Variants in GHR observed in about 807,000 individuals in gnomAD.
The protein encoded by GHR is GH receptor.
A neutral mutation model predicts 67.1 loss-of-function variants in GHR; 35 were observed. The observed-to-expected ratio is 0.52, with a 90% CI of 0.40 to 0.69. GHR has a LOEUF of 0.69. Ranked by LOEUF, GHR falls within the 30% of genes least tolerant of loss-of-function variation. The pLI is 0.00. For synonymous variants in GHR, 272 were observed against 269.1 expected (o/e 1.01, Z -0.10); for missense variants, 792 against 764.6 (o/e 1.04, Z -0.42).
At chr5:42,629,418 G>T (rs1289910261) in intron 3 of GHR, among the ~76,000 whole-genome samples, 1 of 130,772 alleles carries the variant, frequency 7.6e-6, no homozygotes, top group Admixed American at 7.4e-5. Context: ...CTCACCATGA[G>T]TGAGTTCTCA....
At chr5:42,474,564 C>T (rs1418432760) in intron 1 of GHR, among the ~76,000 whole-genome samples, 9 of 152,076 alleles carry the variant, frequency 5.9e-5, no homozygotes, top group African/African-American at 1.7e-4. Flanking sequence ...AGCATATCTG[C>T]GTGTCTGTCT....
chr5:42,557,309 C>T (rs1406179281), intron 1 of GHR, among the ~76,000 whole-genome samples: 1 of 152,108 alleles, frequency 6.6e-6, no homozygotes, highest in Non-Finnish European at 1.5e-5. Context: ...GGAATAGGGT[C>T]TTACATATTG....
At chr5:42,479,095 G>A (rs1328595330) in intron 1 of GHR, among the ~76,000 whole-genome samples, 1 of 152,170 alleles carries the variant, frequency 6.6e-6, no homozygotes, top group Non-Finnish European at 1.5e-5. Context: ...TTAGCATGAA[G>A]CATTGTTGAA....
chr5:42,454,578 G>C (rs1744182457), intron 1 of GHR, among the ~76,000 whole-genome samples: 1 of 152,074 alleles, frequency 6.6e-6, no homozygotes, highest in Admixed American at 6.6e-5. Flanking sequence ...AGGCTGATGG[G>C]GTTATGTTCC....
chr5:42,659,158 T>C (rs938968285), intron 3 of GHR: 1 of 152,204 alleles, frequency 6.6e-6, no homozygotes, highest in Non-Finnish European at 1.5e-5. Flanking sequence ...TCTGATTTAT[T>C]TTTCAGCAAC....
intron 1 of GHR, among the ~76,000 whole-genome samples, chr5:42,437,838 G>A (rs1480880244): frequency 6.6e-6 from 1 of 150,630 alleles, no homozygotes; most frequent in African/African-American, 2.4e-5. Flanking sequence ...TTACAGGTGT[G>A]AGGCACCGTG....
intron 1 of GHR, among the ~76,000 whole-genome samples, chr5:42,470,482 GT>G (rs1392440236): frequency 2.0e-5 from 3 of 151,976 alleles, no homozygotes; most frequent in Non-Finnish European, 4.4e-5. Context: ...AGAATCTTGG[GT>G]TATCATTTCA....
intron 6 of GHR, among the ~76,000 whole-genome samples, chr5:42,700,211 G>T (rs1757868364): frequency 6.6e-6 from 1 of 152,168 alleles, no homozygotes; most frequent in Non-Finnish European, 1.5e-5. Flanking sequence ...ATGGAGGCCT[G>T]TGGAAGGAAA....
intron 2 of GHR, among the ~76,000 whole-genome samples, chr5:42,625,544 T>TA (rs1753658574): frequency 6.6e-6 from 1 of 151,968 alleles, no homozygotes; most frequent in South Asian, 2.1e-4. Flanking sequence ...CCCAAGGTGG[T>TA]CAGGGTACAG....
intron 1 of GHR, among the ~76,000 whole-genome samples, chr5:42,493,005 G>GGCA (rs1746177309): frequency 6.6e-6 from 1 of 152,196 alleles, no homozygotes; most frequent in Non-Finnish European, 1.5e-5. Context: ...AATGTGTAAT[G>GGCA]GGAAGTCAAA....
At chr5:42,579,796 A>C (rs932132204) in intron 2 of GHR, among the ~76,000 whole-genome samples, 2 of 152,126 alleles carry the variant, frequency 1.3e-5, no homozygotes, top group Admixed American at 6.5e-5. Context: ...CAGTCTTAAA[A>C]CCTGCTTTTT....
intron 3 of GHR, among the ~76,000 whole-genome samples, chr5:42,659,965 C>G (rs369627368): frequency 2.6e-5 from 4 of 152,198 alleles, no homozygotes; most frequent in South Asian, 2.1e-4. Context: ...TATCCCGCAC[C>G]TGGCTCGGAG....
chr5:42,618,037 C>T lies in GHR; in HGVS notation c.71-11001C>T, dbSNP rs116783901. 9.0e-3 allele frequency among the ~76,000 whole-genome samples: 1,367 copies of T among 152,072 alleles called. 20 individuals carry two copies. The highest frequency in any genetic ancestry group is 0.032 in the African/African-American group (1,318 of 41,492). On this transcript the variant is annotated intron_variant, in intron 2 of 9. Transcript: ENST00000230882. ...TTAGATTTAGATTTAAAGTTCAATA[C>T]CCATAAAGGATACTTCTCAATAGAG...
At chr5:42,452,776 G>C (rs1391429911) in intron 1 of GHR, among the ~76,000 whole-genome samples, 1 of 151,864 alleles carries the variant, frequency 6.6e-6, no homozygotes, top group Non-Finnish European at 1.5e-5. Context: ...CTATTTCTCT[G>C]GAGAAAATTT....
intron 3 of GHR, among the ~76,000 whole-genome samples, chr5:42,631,147 A>G (rs999033145): frequency 6.6e-6 from 1 of 152,166 alleles, no homozygotes; most frequent in African/African-American, 2.4e-5. Flanking sequence ...GGGTCTAAGA[A>G]GCGTAAACAT....
intron 3 of GHR, among the ~76,000 whole-genome samples, chr5:42,636,577 T>C (rs1357821446): frequency 1.4e-5 from 2 of 141,024 alleles, no homozygotes; most frequent in Non-Finnish European, 3.3e-5. Context: ...TCTGCACACA[T>C]GAGTCTCTCA....
intron 2 of GHR, among the ~76,000 whole-genome samples, chr5:42,587,630 G>A (rs1211682607): frequency 2.6e-5 from 4 of 151,516 alleles, no homozygotes; most frequent in African/African-American, 7.3e-5. Context: ...CTTCTCTTTC[G>A]TATCGGAATG....
chr5:42,569,430 C>T (rs1750145672), intron 2 of GHR, among the ~76,000 whole-genome samples: 1 of 152,062 alleles, frequency 6.6e-6, no homozygotes, highest in Non-Finnish European at 1.5e-5. Flanking sequence ...TTATAGAAGG[C>T]CCAGAGATAG....
At chr5:42,699,628 A>G (rs1757835622) in intron 5 of GHR, among the ~76,000 whole-genome samples, 196 bp from the exon 6 acceptor site, 1 of 152,180 alleles carries the variant, frequency 6.6e-6, no homozygotes, top group Non-Finnish European at 1.5e-5. Flanking sequence ...TTTAGAAGTT[A>G]AAAACAAGTC....
Sources: gnomAD v4.1 joint callset for allele counts (sites outside exome capture counted in the v4.1 genomes callset) on GRCh38, gnomAD v4.1.1 for gene constraint, MANE v1.5 for transcripts, NCBI Gene and HGNC (gene_info 2026-07-23, HGNC 2026-07-21) for gene names.